Variants in ADARB1 observed in about 807,000 individuals in gnomAD.
The protein encoded by ADARB1 is double-stranded RNA-specific editase 1.
In ADARB1, 10 loss-of-function variants were observed where a neutral mutation model predicts 52.4. The observed-to-expected ratio is 0.19, with a 90% CI of 0.12 to 0.32. The LOEUF (loss-of-function observed/expected upper bound fraction) is 0.32. Ranked by LOEUF, ADARB1 falls within the 10% of genes least tolerant of loss-of-function variation. ADARB1 has a pLI of 1.00. For missense variants in ADARB1, 643 were observed against 922.3 expected (o/e 0.70, Z 3.92); for synonymous variants, 349 against 371.1 (o/e 0.94, Z 0.68).
At chr21:45,101,718 A>T (rs1351018172) in intron 1 of ADARB1, among the ~76,000 whole-genome samples, 2 of 152,162 alleles carry the variant, frequency 1.3e-5, no homozygotes, top group Non-Finnish European at 2.9e-5. Context: ...GATAGTGTAT[A>T]CTTAATACAC....
At chr21:45,143,360 T>C (rs182517136) in intron 2 of ADARB1, among the ~76,000 whole-genome samples, 177 of 152,354 alleles carry the variant, frequency 1.2e-3, no homozygotes, top group African/African-American at 3.8e-3. Context: ...TGCCATAATC[T>C]TCCCATCTCA....
chr21:45,220,885 T>C lies in ADARB1; in HGVS notation c.1797T>C (p.Ser599=), dbSNP rs752285789. The C allele has an allele frequency of 4.3e-6, 7 of 1,613,494 alleles. No homozygotes were observed. In the South Asian group the frequency reaches 6.6e-5, roughly 15 times the overall value. The change falls in exon 10 of 11, where the codon AGT becomes AGC. Residue 599 remains serine, a synonymous_variant. Coordinates refer to ENST00000348831, the MANE Select transcript of ADARB1 (RefSeq NM_001112.4). This position sits in a 1 kb window ranked among gnomAD's most constrained non-coding sequence, Gnocchi z 6.3. The part of the protein sequence containing the change: ...ARQPGKAPNF[S]VNWTVGDSAI... ...AGCCAGGGAAGGCCCCCAACTTCAG[T>C]GTCAACTGGACGGTAGGCGACTCCG...
At chr21:45,148,650 G>A (rs1337322891) in intron 2 of ADARB1, among the ~76,000 whole-genome samples, 1 of 152,162 alleles carries the variant, frequency 6.6e-6, no homozygotes, top group Non-Finnish European at 1.5e-5. Flanking sequence ...GCTGAGTTCT[G>A]CAGCAGTCAA....
chr21:45,162,233 A>G (rs773219035), intron 2 of ADARB1, among the ~76,000 whole-genome samples: 3 of 152,170 alleles, frequency 2.0e-5, no homozygotes, highest in Non-Finnish European at 2.9e-5. Context: ...GCTTCTGGGC[A>G]CTACCGTATT....
At chr21:45,076,384 C>T (rs1047505927) in intron 1 of ADARB1, among the ~76,000 whole-genome samples, 3 of 152,318 alleles carry the variant, frequency 2.0e-5, no homozygotes, top group African/African-American at 7.2e-5. Context: ...AGAGGATGAA[C>T]TCACACAGAC....
intron 1 of ADARB1, among the ~76,000 whole-genome samples, chr21:45,076,734 T>C (rs1431245313): frequency 6.6e-6 from 1 of 152,256 alleles, no homozygotes; most frequent in East Asian, 1.9e-4. Context: ...ATTTGAATTC[T>C]TTTAGATTTT....
At chr21:45,136,275 G>C (rs1210272282) in intron 2 of ADARB1, among the ~76,000 whole-genome samples, 1 of 152,220 alleles carries the variant, frequency 6.6e-6, no homozygotes, top group Non-Finnish European at 1.5e-5. Context: ...GGCTTTCCAG[G>C]CTTCCAGCAA....
At chr21:45,118,698 C>T (rs1376853266) in intron 1 of ADARB1, 2 of 152,178 alleles carry the variant, frequency 1.3e-5, no homozygotes, top group Non-Finnish European at 2.9e-5. Context: ...TACCCTAAAC[C>T]CGGATCTGCT....
At chr21:45,143,151 C>T (rs985091144) in intron 2 of ADARB1, among the ~76,000 whole-genome samples, 27 of 152,328 alleles carry the variant, frequency 1.8e-4, no homozygotes, top group African/African-American at 6.5e-4. Flanking sequence ...GGTGCCCTTC[C>T]TGGCTCCCTG....
chr21:45,147,245 C>T (rs1191368823), intron 2 of ADARB1, among the ~76,000 whole-genome samples: 3 of 152,244 alleles, frequency 2.0e-5, no homozygotes, highest in Non-Finnish European at 4.4e-5. Context: ...TTCCCCCTTA[C>T]AGTTTTCAAA....
Position 45,183,372 on chromosome 21 carries a change from G to A in ADARB1, c.1258G>A (p.Asp420Asn), listed in dbSNP as rs775659792. 1.3e-5 allele frequency: 20 copies of A among 1,599,100 alleles called. No homozygotes were observed. The highest frequency in any genetic ancestry group is 1.7e-5 in the Non-Finnish European group (20 of 1,175,978). Residue 420 changes from aspartate to asparagine, a missense_variant, in exon 7 of 11, where the codon GAT becomes AAT. Physicochemically the swap from Asp to Asn is conservative, Grantham distance 23. This residue lies in a region of ADARB1 where 263 missense variants were observed against 475.8 expected (regional missense o/e 0.55). Transcript: ENST00000348831. ...CTTTTTTCCTTTCAGTAACAAAGAT[G>A]ATCAAAAAAGATCCATCTTTCAGAA... is the stretch of plus-strand genomic sequence containing the variant. ...QLELYLNNKD[D>N]QKRSIFQKSE...
chr21:45,147,060 G>T (rs1313849690), intron 2 of ADARB1, among the ~76,000 whole-genome samples: 4 of 152,202 alleles, frequency 2.6e-5, no homozygotes, highest in Admixed American at 2.0e-4. Context: ...TGCTCACCTG[G>T]TGACTAGGTC....
Position 45,176,703 on chromosome 21 carries a change from T to C in ADARB1, c.963+39T>C. ...CTGCTGCTTTAAAACACGGGGTCAT[T>C]GCTCTTGGTAATGCTTCTAGACAGC... On this transcript the variant is annotated intron_variant, in intron 4 of 10. Transcript: ENST00000348831. The surrounding 1 kb of genome is among the most constrained non-coding windows in gnomAD (Gnocchi z 5.8). The C allele has an allele frequency of 6.5e-7, 1 of 1,543,430 alleles. No homozygotes were observed. Among genetic ancestry groups the C allele is most frequent in the Non-Finnish European group, 8.8e-7 (1 of 1,142,506 alleles).
intron 2 of ADARB1, chr21:45,145,415 G>T (rs1289391947): frequency 6.6e-6 from 1 of 152,310 alleles, no homozygotes; most frequent in Non-Finnish European, 1.5e-5. Context: ...AGTTCCAGTG[G>T]GCCCTGGGCT....
At chr21:45,186,041 GTTTA>G (rs903426364) in intron 8 of ADARB1, among the ~76,000 whole-genome samples, 2 of 152,202 alleles carry the variant, frequency 1.3e-5, no homozygotes, top group African/African-American at 2.4e-5. Flanking sequence ...ACTGTGATGT[GTTTA>G]TTTATTATTT....
At chr21:45,121,049 A>G (rs1008372139) in intron 1 of ADARB1, 4 of 152,114 alleles carry the variant, frequency 2.6e-5, no homozygotes, top group African/African-American at 9.7e-5. Context: ...TTTTGTGTCT[A>G]CATTTGTAAA....
chr21:45,211,546 C>T (rs1488398170), intron 9 of ADARB1, among the ~76,000 whole-genome samples: 1 of 152,146 alleles, frequency 6.6e-6, no homozygotes, highest in Non-Finnish European at 1.5e-5. Context: ...GTATATTATT[C>T]ATTTTTGATT....
intron 8 of ADARB1, among the ~76,000 whole-genome samples, chr21:45,194,287 C>T (rs2092373476): frequency 6.6e-6 from 1 of 152,224 alleles, no homozygotes; most frequent in Non-Finnish European, 1.5e-5. Flanking sequence ...ACATCATCAT[C>T]ACCCAAAGCC....
intron 1 of ADARB1, among the ~76,000 whole-genome samples, chr21:45,075,160 G>A (rs1568984343): frequency 6.6e-6 from 1 of 151,282 alleles, no homozygotes; most frequent in Non-Finnish European, 1.5e-5. Context: ...GGGACGGTGT[G>A]CCCTGGAGAT....
Sources: allele counts gnomAD v4.1 joint callset (sites outside exome capture counted in the v4.1 genomes callset), GRCh38; gene constraint gnomAD v4.1.1; regional missense constraint gnomAD v4.1.1; non-coding constraint Gnocchi (gnomAD v3.1); transcripts MANE v1.5; gene names NCBI Gene and HGNC (gene_info 2026-07-23, HGNC 2026-07-21).